The following ACYP2 variants were observed in gnomAD, a reference collection of about 807,000 sequenced individuals.
The protein encoded by ACYP2 is acylphosphatase 2.
In ACYP2, 12 loss-of-function variants were observed where a neutral mutation model predicts 11.2. That is an observed-to-expected ratio of 1.08 (90% CI 0.69 to 1.74). ACYP2 has a LOEUF of 1.74. ACYP2 is among the 40% of genes most tolerant of loss of function. ACYP2 has a pLI of 0.00. For missense variants in ACYP2, 134 were observed against 101.9 expected (o/e 1.31, Z -1.35); for synonymous variants, 43 against 32.2 (o/e 1.33, Z -1.13).
intron 6 of ACYP2, among the ~76,000 whole-genome samples, chr2:54,302,356 G>A (rs981992636): frequency 6.6e-6 from 1 of 152,134 alleles, no homozygotes; most frequent in African/African-American, 2.4e-5. Context: ...GCATTGGCCT[G>A]GTGGATCCCT....
At chr2:54,204,431 A>G (rs150800820) in intron 6 of ACYP2, among the ~76,000 whole-genome samples, 1 of 151,810 alleles carries the variant, frequency 6.6e-6, no homozygotes, top group East Asian at 1.9e-4. Flanking sequence ...ACACCCCTGG[A>G]TTATATCTTG....
chr2:53,984,499 C>T (rs188937526), intron 2 of ACYP2, among the ~76,000 whole-genome samples: 42 of 151,714 alleles, frequency 2.8e-4, no homozygotes, highest in Admixed American at 1.6e-3. Context: ...ATCTCTTGAA[C>T]CGGGGGGGTG....
chr2:53,979,707 T>C (rs1228617659), intron 2 of ACYP2, among the ~76,000 whole-genome samples: 4 of 152,058 alleles, frequency 2.6e-5, no homozygotes, highest in African/African-American at 4.8e-5. Flanking sequence ...TTTTTTGTTT[T>C]TGTTTTTGTT....
intron 6 of ACYP2, among the ~76,000 whole-genome samples, chr2:54,260,065 G>C (rs961388165): frequency 3.9e-5 from 6 of 152,178 alleles, no homozygotes; most frequent in African/African-American, 7.2e-5. Flanking sequence ...TCCTGGAATA[G>C]ACAAGAGGAG....
At chr2:54,060,239 A>G (rs968388611) in intron 4 of ACYP2, among the ~76,000 whole-genome samples, 9 of 152,046 alleles carry the variant, frequency 5.9e-5, no homozygotes, top group Non-Finnish European at 8.8e-5. Context: ...ATATTTAAGC[A>G]TCTTATTTTT....
At chr2:54,269,694 T>C (rs935793205) in intron 6 of ACYP2, among the ~76,000 whole-genome samples, 3 of 152,228 alleles carry the variant, frequency 2.0e-5, no homozygotes, top group Admixed American at 6.5e-5. Context: ...TTTTTTGCTC[T>C]CATCTCTATG....
chr2:54,073,244 G>A (rs992211204), intron 4 of ACYP2, among the ~76,000 whole-genome samples: 1 of 152,062 alleles, frequency 6.6e-6, no homozygotes, highest in Non-Finnish European at 1.5e-5. Flanking sequence ...AAATCAAAAT[G>A]AGCCAGGTGT....
intron 6 of ACYP2, among the ~76,000 whole-genome samples, chr2:54,247,451 T>C (rs1048360812): frequency 2.4e-4 from 36 of 152,334 alleles, no homozygotes; most frequent in African/African-American, 7.7e-4. Context: ...CACCTCAAAA[T>C]ATACTTCAGT....
intron 6 of ACYP2, among the ~76,000 whole-genome samples, chr2:54,298,790 C>T (rs80059971): frequency 1.6e-4 from 25 of 152,354 alleles, no homozygotes; most frequent in African/African-American, 5.8e-4. Context: ...CTCACTCTGT[C>T]GCCTAGGCTG....
chr2:54,200,741 A>T (rs531296518), intron 6 of ACYP2, among the ~76,000 whole-genome samples: 5 of 152,262 alleles, frequency 3.3e-5, no homozygotes, highest in Non-Finnish European at 5.9e-5. Context: ...TTGTGTGTAC[A>T]TATGTTATTT....
At chr2:53,998,764 C>T (rs989355426) in intron 2 of ACYP2, among the ~76,000 whole-genome samples, 1 of 151,748 alleles carries the variant, frequency 6.6e-6, no homozygotes, top group African/African-American at 2.4e-5. Flanking sequence ...TGCAGTGAGC[C>T]AAAATTGCAC....
rs116541594 is a variant in ACYP2 at position 54,181,218 on chromosome 2, T to G, written c.404+42470T>G. 3.4e-3 allele frequency among the ~76,000 whole-genome samples: 521 copies of G among 152,206 alleles called. 3 individuals carry two copies. Among genetic ancestry groups the G allele is most frequent in the African/African-American group, 0.012 (506 of 41,536 alleles). On this transcript the variant is annotated intron_variant, in intron 6 of 6. Transcript: ENST00000607452. The stretch of plus-strand genomic sequence containing the variant: ...TCGGATAACTAACAAATAAACAAGA[T>G]TATTGTGAATTGTGACAAGTCCTAG...
intron 2 of ACYP2, among the ~76,000 whole-genome samples, chr2:53,991,682 G>A (rs941544055): frequency 1.1e-4 from 17 of 152,172 alleles, no homozygotes; most frequent in African/African-American, 3.9e-4. Flanking sequence ...TGGGGTTACA[G>A]GTGTGAGCCA....
intron 1 of ACYP2, among the ~76,000 whole-genome samples, chr2:53,973,245 G>C (rs150631925): frequency 6.6e-6 from 1 of 152,214 alleles, no homozygotes; most frequent in East Asian, 1.9e-4. Context: ...TGATTATGGT[G>C]ACAAAGGACA....
chr2:54,147,176 G>A (rs748058728), intron 6 of ACYP2, among the ~76,000 whole-genome samples: 1 of 151,862 alleles, frequency 6.6e-6, no homozygotes, highest in Admixed American at 6.6e-5. Context: ...CTGTTTGCTT[G>A]TTTTGCTTAT....
intron 6 of ACYP2, among the ~76,000 whole-genome samples, chr2:54,195,248 A>T (rs1197988256): frequency 1.3e-5 from 2 of 152,150 alleles, no homozygotes; most frequent in Admixed American, 1.3e-4. Flanking sequence ...GTCACAAACC[A>T]ATTTACCTAG....
At chr2:54,176,162 A>T (rs1413251867) in intron 6 of ACYP2, among the ~76,000 whole-genome samples, 1 of 152,194 alleles carries the variant, frequency 6.6e-6, no homozygotes, top group Admixed American at 6.5e-5. Context: ...AAACTGACTA[A>T]GACATCCCCC....
rs147813070 is a variant in ACYP2, at chr2:54,226,881, T to C, written c.405-77807T>C. On this transcript the variant is annotated intron_variant, in intron 6 of 6. Transcript: ENST00000607452. ...TCCTAGTACTCAGGCCAACTCTTCA[T>C]AGCAACACACTCATTTTGATTCTTA... 5.9e-5 allele frequency among the ~76,000 whole-genome samples: 9 copies of C among 152,344 alleles called. No individual in the cohort carries two copies. The East Asian group carries it at 1.5e-3, about 26-fold the overall frequency.
chr2:54,291,151 C>T (rs1352480961), intron 6 of ACYP2, among the ~76,000 whole-genome samples: 1 of 152,206 alleles, frequency 6.6e-6, no homozygotes. Flanking sequence ...TACTTGGGTC[C>T]TGACAGCATT....
Sources: allele counts gnomAD v4.1 joint callset (sites outside exome capture counted in the v4.1 genomes callset), GRCh38; gene constraint gnomAD v4.1.1; transcripts MANE v1.5; gene names NCBI Gene and HGNC (gene_info 2026-07-23, HGNC 2026-07-21).